Variants in DYRK1A observed in about 807,000 individuals in gnomAD.
DYRK1A encodes the protein dual specificity tyrosine-phosphorylation-regulated kinase 1A.
DYRK1A carries 9 observed loss-of-function variants against 79.7 expected under a neutral mutation model. The observed-to-expected ratio is 0.11, with a 90% CI of 0.07 to 0.20. DYRK1A has a LOEUF of 0.20. Ranked by LOEUF, DYRK1A falls within the 10% of genes least tolerant of loss-of-function variation. The pLI is 1.00. For synonymous variants in DYRK1A, 349 were observed against 329.7 expected (o/e 1.06, Z -0.63); for missense variants, 622 against 956.0 (o/e 0.65, Z 4.61).
At chr21:37,394,541 T>G (rs988908881) in intron 1 of DYRK1A, among the ~76,000 whole-genome samples, 1 of 152,158 alleles carries the variant, frequency 6.6e-6, no homozygotes, top group African/African-American at 2.4e-5. Flanking sequence ...CTGCACCCCA[T>G]GAGGTGAGCT....
chr21:37,486,533 G>C lies in DYRK1A; in HGVS notation c.556G>C (p.Ala186Pro). The C allele has an allele frequency of 1.3e-6, 2 of 1,598,636 alleles. No homozygotes were observed. The highest frequency in any genetic ancestry group is 1.7e-6 in the Non-Finnish European group (2 of 1,173,538). Reference protein sequence around the residue: ...VAIKIIKNKKAFLNQAQIEVR... With the variant: ...VAIKIIKNKKPFLNQAQIEVR... The stretch of plus-strand genomic sequence containing the variant: ...CATTAAAATAATAAAGAACAAGAAG[G>C]CTTTTCTGAATCAAGCACAGATAGA... The change falls in exon 6 of 12, where the codon GCT (alanine) becomes CCT (proline). Residue 186 changes from alanine to proline, a missense_variant. Ala to Pro is a conservative substitution (Grantham distance 27). Around this residue, in one of 5 missense-constraint regions of DYRK1A, gnomAD observed 138 missense variants for 346.4 expected, o/e 0.40. Coordinates refer to ENST00000647188, the MANE Select transcript of DYRK1A (RefSeq NM_001347721.2).
rs1359903611 is a variant in DYRK1A at position 37,517,078 on chromosome 21, C to G, written c.*4547C>G. On this transcript the variant is annotated 3_prime_UTR_variant, in exon 12 of 12. Coordinates refer to ENST00000647188, the MANE Select transcript of DYRK1A (RefSeq NM_001347721.2). ...AAAACCTGTGAATCCTTCTTCAAAG[C>G]ATAGAGGAGGCAGAGACAAGTCTTA... The G allele has an allele frequency of 1.3e-5, 2 of 152,184 alleles. No individual in the cohort carries two copies. The highest frequency in any genetic ancestry group is 2.9e-5 in the Non-Finnish European group (2 of 68,040). 9.4% of individuals were successfully genotyped at this position (152,184 alleles called of 1,614,324 possible). A position where few individuals can be genotyped will look rare whatever the true frequency, so the allele number is the denominator to read the frequency against.
At chr21:37,504,404 G>A (rs955008539) in intron 9 of DYRK1A, 14 of 152,266 alleles carry the variant, frequency 9.2e-5, no homozygotes, top group Admixed American at 4.6e-4. Context: ...CCCACTGCAG[G>A]TCTCTTCCAG....
chr21:37,407,183 G>A (rs2148409131), intron 1 of DYRK1A, among the ~76,000 whole-genome samples: 1 of 152,246 alleles, frequency 6.6e-6, no homozygotes, highest in African/African-American at 2.4e-5. Context: ...TGAAATATTT[G>A]CATATATGTA....
chr21:37,475,220 A>G (rs901267319), intron 3 of DYRK1A, among the ~76,000 whole-genome samples: 4 of 152,192 alleles, frequency 2.6e-5, no homozygotes, highest in Admixed American at 6.5e-5. Context: ...GGTCACCTCA[A>G]CTTCCCTTTT....
At chr21:37,395,775 A>G (rs142005648) in intron 1 of DYRK1A, among the ~76,000 whole-genome samples, 30 of 152,348 alleles carry the variant, frequency 2.0e-4, no homozygotes, top group African/African-American at 5.5e-4. Context: ...AAAACATTCT[A>G]GATGGGTGGA....
At chr21:37,441,224 CATGAT>C (rs1198720500) in intron 2 of DYRK1A, among the ~76,000 whole-genome samples, 1 of 152,102 alleles carries the variant, frequency 6.6e-6, no homozygotes, top group African/African-American at 2.4e-5. Context: ...ATTTTGATAG[CATGAT>C]ATATCTTTTC....
chr21:37,442,639 T>C (rs1401083904), intron 2 of DYRK1A, among the ~76,000 whole-genome samples: 1 of 152,132 alleles, frequency 6.6e-6, no homozygotes, highest in African/African-American at 2.4e-5. Flanking sequence ...TGTCTCTGTT[T>C]GCTATGACGG....
intron 8 of DYRK1A, among the ~76,000 whole-genome samples, chr21:37,493,696 A>G (rs554762680): frequency 1.3e-5 from 2 of 152,316 alleles, no homozygotes; most frequent in South Asian, 2.1e-4. Context: ...ATGGGAGGGC[A>G]GGGACAGGCC....
chr21:37,507,168 T>G (rs1191504251), intron 11 of DYRK1A, among the ~76,000 whole-genome samples: 4 of 152,344 alleles, frequency 2.6e-5, no homozygotes, highest in East Asian at 1.9e-4. Flanking sequence ...TACATGATCC[T>G]GCCTATGTGT....
chr21:37,451,689 T>C (rs2148503291), intron 2 of DYRK1A, among the ~76,000 whole-genome samples: 1 of 152,252 alleles, frequency 6.6e-6, no homozygotes, highest in East Asian at 1.9e-4. Flanking sequence ...CTCCACTGTC[T>C]AGCGTGGGCG....
intron 2 of DYRK1A, among the ~76,000 whole-genome samples, chr21:37,432,951 G>T (rs1441321968): frequency 6.7e-6 from 1 of 148,844 alleles, no homozygotes; most frequent in African/African-American, 2.5e-5. Context: ...ACTCCAGCCT[G>T]GGCAAAAGAG....
intron 5 of DYRK1A, 116 bp from the exon 6 acceptor site, chr21:37,486,350 AT>A: frequency 1.2e-6 from 1 of 825,850 alleles, no homozygotes; most frequent in Non-Finnish European, 1.7e-6. Flanking sequence ...GGTCAGAAAA[AT>A]AATTATAAAA....
Position 37,401,470 on chromosome 21 carries a change from TA to T in DYRK1A, c.-76-18828del, listed in dbSNP as rs1465626592. Among the ~76,000 whole-genome samples, 16 of 150,874 alleles carry T rather than the reference TA, an allele frequency of 1.1e-4. No individual in the cohort carries two copies. The South Asian group carries it at 3.3e-3, about 31-fold the overall frequency. On this transcript the variant is annotated intron_variant, in intron 1 of 11. Coordinates refer to ENST00000647188, the MANE Select transcript of DYRK1A (RefSeq NM_001347721.2). ...TTTGAAGTTTTTCAGATAGTCTTGTTATTTCTAGTTCCTTTTTTTTTTTTTT... is the reference window on the plus strand; with the variant it reads ...TTTGAAGTTTTTCAGATAGTCTTGTTTTTCTAGTTCCTTTTTTTTTTTTTT...
chr21:37,437,075 T>C (rs1444875031), intron 2 of DYRK1A, among the ~76,000 whole-genome samples: 1 of 152,128 alleles, frequency 6.6e-6, no homozygotes, highest in East Asian at 1.9e-4. Flanking sequence ...GCTATACCAG[T>C]TGAAGATGGG....
chr21:37,445,512 A>T (rs1389015743), intron 2 of DYRK1A, among the ~76,000 whole-genome samples: 2 of 152,226 alleles, frequency 1.3e-5, no homozygotes, highest in Non-Finnish European at 1.5e-5. Context: ...GATACACAGT[A>T]AACATCTGAA....
chr21:37,390,776 C>T (rs945339791), intron 1 of DYRK1A, among the ~76,000 whole-genome samples: 4 of 152,200 alleles, frequency 2.6e-5, no homozygotes, highest in Middle Eastern at 3.4e-3. Flanking sequence ...CGCCATGTTG[C>T]CCAGGCTGGT....
intron 1 of DYRK1A, among the ~76,000 whole-genome samples, chr21:37,399,467 A>G (rs2050015987): frequency 6.6e-6 from 1 of 152,156 alleles, no homozygotes; most frequent in Non-Finnish European, 1.5e-5. Context: ...CTTTACAGGA[A>G]ATGTAAAGGT....
At chr21:37,432,717 G>A (rs1056314546) in intron 2 of DYRK1A, among the ~76,000 whole-genome samples, 3 of 152,088 alleles carry the variant, frequency 2.0e-5, no homozygotes, top group African/African-American at 7.2e-5. Flanking sequence ...TGAGAGGATA[G>A]AGGCTGTTTC....
Sources: allele counts gnomAD v4.1 joint callset (sites outside exome capture counted in the v4.1 genomes callset), GRCh38; gene constraint gnomAD v4.1.1; regional missense constraint gnomAD v4.1.1; transcripts MANE v1.5; gene names NCBI Gene and HGNC (gene_info 2026-07-23, HGNC 2026-07-21).